The following KDM6A variants were observed in gnomAD, a reference collection of about 807,000 sequenced individuals.
KDM6A encodes lysine demethylase 6A.
A neutral mutation model predicts 117.6 loss-of-function variants in KDM6A; 11 were observed. The ratio of observed to expected loss-of-function variants is 0.09; its 90% CI spans 0.06 to 0.15. The LOEUF is 0.15. KDM6A is among the 10% of genes least tolerant of loss of function. KDM6A has a pLI of 1.00. For synonymous variants in KDM6A, 384 were observed against 396.1 expected, an observed-to-expected ratio of 0.97 and a Z score of 0.36; for missense variants, 799 against 1,077.3, an observed-to-expected ratio of 0.74 and a Z score of 3.62.
intron 1 of KDM6A, 82 bp downstream of exon 1, chrX:44,873,794 T>TGGC (rs1242443463): frequency 3.3e-5 from 38 of 1,144,904 alleles, no homozygotes; most frequent in Non-Finnish European, 4.2e-5. Flanking sequence ...GGCTTGTCTC[T>TGGC]GGCGGCGGCG....
rs745714866 is a variant in KDM6A, at chrX:44,899,004, GGTGTGTGTGTGTGTGTGTGTGTGT to G, written c.225+25028_225+25051del. Among the ~76,000 whole-genome samples the G allele has an allele frequency of 8.8e-5, 7 of 79,657 alleles. No individual in the cohort carries two copies. In the East Asian group the frequency reaches 3.0e-3, roughly 34 times the overall value. The allele number at this position is 79,657 out of a possible 115,157, so 69.2% of individuals were successfully genotyped here. A position where few individuals can be genotyped will look rare whatever the true frequency, so the allele number is the denominator to read the frequency against. On this transcript the variant is annotated intron_variant, in intron 2 of 29. Coordinates refer to ENST00000611820, the MANE Select transcript of KDM6A (RefSeq NM_001291415.2). The stretch of plus-strand genomic sequence containing the variant: ...AAACTGCGGAGGGAGGGAGAGGGAG[GGTGTGTGTGTGTGTGTGTGTGTGT>G]GTGTGTGTGTTTGTTTGTTTTCCAT...
At chrX:45,105,513 A>G (rs1290024221) in intron 27 of KDM6A, among the ~76,000 whole-genome samples, 9 of 111,750 alleles carry the variant, frequency 8.1e-5, no homozygotes, top group Non-Finnish European at 1.9e-5. Flanking sequence ...TTGAAGCCCT[A>G]CTTGGAAAAC....
intron 9 of KDM6A, among the ~76,000 whole-genome samples, chrX:45,052,830 C>T (rs931810973): frequency 5.4e-5 from 6 of 111,216 alleles, no homozygotes; most frequent in Non-Finnish European, 3.8e-5. Context: ...GCTAGGGCTG[C>T]AGGCGCATGC....
In KDM6A at chrX:45,060,661, C is replaced by T; in HGVS notation, c.1382C>T (p.Thr461Ile). 2 of 1,069,191 alleles carry T rather than the reference C, an allele frequency of 1.9e-6. No homozygotes were observed. Among genetic ancestry groups the T allele is most frequent in the Non-Finnish European group, 2.5e-6 (2 of 809,323 alleles). The allele number at this position is 1,069,191 out of a possible 1,213,427, so 88.1% of individuals were successfully genotyped here. ...GAACCTGTATTAGGCCTCAGTCAAA[C>T]ACCAATTTCACAGCAATCCTTGCCA... The part of the protein sequence containing the change: ...NTEPVLGLSQ[T>I]PISQQSLPLH... Residue 461 changes from threonine to isoleucine, a missense_variant, in exon 14 of 30, where the codon ACA becomes ATA. Around this residue, in one of 8 missense-constraint regions of KDM6A, gnomAD observed 301 missense variants for 318.3 expected, o/e 0.95. Coordinates refer to ENST00000611820, the MANE Select transcript of KDM6A (RefSeq NM_001291415.2).
chrX:45,043,306 A>G (rs760254465), intron 8 of KDM6A, among the ~76,000 whole-genome samples: 169 of 110,861 alleles, frequency 1.5e-3, no homozygotes, highest in African/African-American at 5.3e-3. Flanking sequence ...AAAGGAAACG[A>G]AAAAAAAGGT....
At chrX:44,994,460 T>A (rs2040769465) in intron 4 of KDM6A, among the ~76,000 whole-genome samples, 1 of 112,200 alleles carries the variant, frequency 8.9e-6, no homozygotes, top group African/African-American at 3.2e-5. Context: ...AAAGGCTGAA[T>A]AGTATTTCAA....
chrX:45,005,113 T>A (rs1287218281), intron 4 of KDM6A, among the ~76,000 whole-genome samples: 1 of 111,028 alleles, frequency 9.0e-6, no homozygotes, highest in Non-Finnish European at 1.9e-5. Flanking sequence ...ATATCTTTTT[T>A]ACATTGTTCT....
chrX:44,990,498 C>T (rs970469508), intron 4 of KDM6A, among the ~76,000 whole-genome samples: 11 of 109,310 alleles, frequency 1.0e-4, no homozygotes, highest in Non-Finnish European at 1.7e-4. Context: ...TGCAGTGGGC[C>T]GAGATTGCGC....
At chrX:44,973,782 A>C (rs2039480851) in intron 3 of KDM6A, among the ~76,000 whole-genome samples, 1 of 109,775 alleles carries the variant, frequency 9.1e-6, no homozygotes, top group African/African-American at 3.3e-5. Flanking sequence ...ATTTTTTGAG[A>C]GATTTCTTCA....
chrX:44,985,606 G>C (rs1286757581), intron 4 of KDM6A, among the ~76,000 whole-genome samples: 1 of 111,556 alleles, frequency 9.0e-6, no homozygotes, highest in African/African-American at 3.3e-5. Flanking sequence ...TTTATTGAGA[G>C]TTTTTAGCAT....
intron 2 of KDM6A, among the ~76,000 whole-genome samples, chrX:44,907,751 ATTTTTTTTTTT>A (rs67971573): frequency 1.4e-5 from 1 of 70,559 alleles, no homozygotes; most frequent in Non-Finnish European, 2.7e-5. Flanking sequence ...TCTGGCCTCC[ATTTTTTTTTTT>A]TTTTTTTTTT....
intron 2 of KDM6A, among the ~76,000 whole-genome samples, chrX:44,954,525 A>G (rs1404794953): frequency 8.9e-6 from 1 of 111,977 alleles, no homozygotes; most frequent in African/African-American, 3.2e-5. Flanking sequence ...TGTCAGAAGT[A>G]CCAGGGGTGA....
In KDM6A at chrX:44,938,967, A is replaced by T. The variant is rs372830759; in HGVS notation, c.226-22317A>T. 6.2e-5 allele frequency among the ~76,000 whole-genome samples: 7 copies of T among 112,431 alleles called. No individual in the cohort carries two copies. The East Asian group carries it at 2.0e-3, about 31-fold the overall frequency. ...TCCACTGTTGATACCTACTGCTCAGAAAATTTCTTTTCAAAATATTACTGC... is the reference window on the plus strand; with the variant it reads ...TCCACTGTTGATACCTACTGCTCAGTAAATTTCTTTTCAAAATATTACTGC... On this transcript the variant is annotated intron_variant, in intron 2 of 29. Transcript: ENST00000611820.
intron 17 of KDM6A, among the ~76,000 whole-genome samples, chrX:45,065,856 T>G (rs1031863472): frequency 8.2e-5 from 9 of 110,197 alleles, no homozygotes; most frequent in Admixed American, 5.8e-4. Flanking sequence ...ACAATGTGAG[T>G]GATGCCCTGG....
chrX:44,947,376 G>A (rs1302379943), intron 2 of KDM6A, among the ~76,000 whole-genome samples: 1 of 106,675 alleles, frequency 9.4e-6, no homozygotes, highest in Non-Finnish European at 1.9e-5. Flanking sequence ...GCTTATGGTT[G>A]TGTAAATAAT....
chrX:44,895,457 C>CTTTTTTTTTTTTTTTTTTTTTTTT (rs1225560971), intron 2 of KDM6A, among the ~76,000 whole-genome samples: 1 of 81,734 alleles, frequency 1.2e-5, no homozygotes, highest in Non-Finnish European at 2.3e-5. Flanking sequence ...TTATTGATTG[C>CTTTTTTTTTTTTTTTTTTTTTTTT]TTTTTTTTTT....
chrX:44,926,973 C>T (rs922449992), intron 2 of KDM6A, among the ~76,000 whole-genome samples: 23 of 111,468 alleles, frequency 2.1e-4, no homozygotes, highest in Admixed American at 7.6e-4. Flanking sequence ...AGTTACCTTG[C>T]GCAAGGGCTG....
intron 6 of KDM6A, among the ~76,000 whole-genome samples, chrX:45,032,694 G>A (rs2042648643): frequency 9.0e-6 from 1 of 111,399 alleles, no homozygotes; most frequent in African/African-American, 3.3e-5. Flanking sequence ...TAGGTGATCT[G>A]CCCGCCTCGG....
chrX:44,941,481 G>GT (rs768090847), intron 2 of KDM6A, among the ~76,000 whole-genome samples: 8,084 of 95,559 alleles, frequency 0.085, 905 homozygotes, highest in African/African-American at 0.28. Flanking sequence ...TTCTGTACCA[G>GT]TTTTTTTTTT....
Sources: allele counts gnomAD v4.1 joint callset (sites outside exome capture counted in the v4.1 genomes callset), GRCh38; gene constraint gnomAD v4.1.1; regional missense constraint gnomAD v4.1.1; transcripts MANE v1.5; gene names NCBI Gene and HGNC (gene_info 2026-07-23, HGNC 2026-07-21).